The following CSRNP3 variants were observed in gnomAD, a reference collection of about 807,000 sequenced individuals.
CSRNP3 encodes the protein cysteine/serine-rich nuclear protein 3.
In CSRNP3, 12 loss-of-function variants were observed where a neutral mutation model predicts 48.0. The ratio of observed to expected loss-of-function variants is 0.25; its 90% confidence interval spans 0.16 to 0.41. The LOEUF is 0.41. CSRNP3 is among the 10% of genes least tolerant of loss of function. CSRNP3 has a pLI of 1.00. For missense variants in CSRNP3, 580 were observed against 724.4 expected (o/e 0.80, Z 2.29); for synonymous variants, 263 against 269.7 (o/e 0.98, Z 0.24).
Position 165,586,589 on chromosome 2 carries a change from G to A in CSRNP3, c.-23-8454G>A, listed in dbSNP as rs549280819. On this transcript the variant is annotated intron_variant, in intron 3 of 6. Coordinates refer to ENST00000651982, the MANE Select transcript of CSRNP3 (RefSeq NM_001172173.2). ...ACCCTAAGAGGTTCTTCTGCAAATC[G>A]TGTTACCTGCTCCTCAGACATGGGG... 6.6e-5 allele frequency among the ~76,000 whole-genome samples: 10 copies of A among 152,120 alleles called. No individual in the cohort carries two copies. The East Asian group carries it at 9.7e-4, about 15-fold the overall frequency.
At chr2:165,631,940 A>G (rs1336020711) in intron 4 of CSRNP3, among the ~76,000 whole-genome samples, 1 of 152,236 alleles carries the variant, frequency 6.6e-6, no homozygotes, top group Non-Finnish European at 1.5e-5. Context: ...ATATCTGGCA[A>G]TCAAATATGT....
chr2:165,629,470 C>CA (rs1686495836), intron 4 of CSRNP3, among the ~76,000 whole-genome samples: 1 of 152,176 alleles, frequency 6.6e-6, no homozygotes, highest in Non-Finnish European at 1.5e-5. Flanking sequence ...GTAAAGCTCC[C>CA]ATGGTTTTTC....
Position 165,688,040 on chromosome 2 carries a change from A to AC in CSRNP3, c.*8287_*8288insC, listed in dbSNP as rs1553486437. On this transcript the variant is annotated 3_prime_UTR_variant, in exon 7 of 7. Coordinates refer to ENST00000651982, the MANE Select transcript of CSRNP3 (RefSeq NM_001172173.2). ...ACACTAGGGGGAAATGACCTTTTTT[A>AC]TTTAAAAAAAAAAAAAAGGCTAATG... 4.5e-5 allele frequency: 4 copies of AC among 88,412 alleles called. No homozygotes were observed. The highest frequency in any genetic ancestry group is 8.2e-5 in the Non-Finnish European group (3 of 36,768). The allele number at this position is 88,412 out of a possible 1,614,324, so 5.5% of individuals were successfully genotyped here.
chr2:165,477,504 A>AAT (rs35294627), intron 1 of CSRNP3, among the ~76,000 whole-genome samples: 8,281 of 129,170 alleles, frequency 0.064, 476 homozygotes, highest in Middle Eastern at 0.14. Flanking sequence ...ATATAATACA[A>AAT]ATATATATAT....
At position 165,685,207 on chromosome 2, in the gene CSRNP3, C is replaced by A. The variant is rs188344884; in HGVS notation, c.*5454C>A. 1 of 152,094 alleles carries A rather than the reference C, an allele frequency of 6.6e-6. No individual in the cohort carries two copies. Among genetic ancestry groups the A allele is most frequent in the South Asian group, 2.1e-4 (1 of 4,830 alleles). 9.4% of individuals were successfully genotyped at this position (152,094 alleles called of 1,614,324 possible). The stretch of plus-strand genomic sequence containing the variant: ...TTACCTACCAAATCTAGATATTCAA[C>A]GTGAGTCCTTAAAACAGTCACTTCT... On this transcript the variant is annotated 3_prime_UTR_variant, in exon 7 of 7. Transcript: ENST00000651982.
At chr2:165,624,856 G>C (rs968423383) in intron 4 of CSRNP3, among the ~76,000 whole-genome samples, 5 of 152,078 alleles carry the variant, frequency 3.3e-5, no homozygotes, top group African/African-American at 1.2e-4. Flanking sequence ...CGGTGAGATG[G>C]GTTTTCTCAT....
intron 1 of CSRNP3, among the ~76,000 whole-genome samples, chr2:165,473,643 T>C (rs1683921786): frequency 6.6e-6 from 1 of 152,188 alleles, no homozygotes; most frequent in Non-Finnish European, 1.5e-5. Flanking sequence ...CAAAGCAGCA[T>C]TATTGCTTTT....
chr2:165,545,028 G>C (rs66596372), intron 3 of CSRNP3, among the ~76,000 whole-genome samples: 20,910 of 152,142 alleles, frequency 0.14, 2,020 homozygotes, highest in African/African-American at 0.27. Flanking sequence ...CACAAATAAA[G>C]AGTGTGCATC....
intron 5 of CSRNP3, among the ~76,000 whole-genome samples, chr2:165,665,913 GAGAGAGAGGAAGAAAGAA>G (rs1355532612): frequency 6.7e-6 from 1 of 149,290 alleles, no homozygotes; most frequent in East Asian, 2.0e-4. Flanking sequence ...AGGAAGCAAA[GAGAGAGAGGAAGAAAGAA>G]AGAGAGAGGA....
At chr2:165,608,280 G>T (rs189472872) in intron 4 of CSRNP3, among the ~76,000 whole-genome samples, 19 of 152,034 alleles carry the variant, frequency 1.2e-4, no homozygotes, top group African/African-American at 4.6e-4. Flanking sequence ...AGGAAATGAT[G>T]GTTGGAAAAG....
chr2:165,625,367 C>T (rs1350037546), intron 4 of CSRNP3, among the ~76,000 whole-genome samples: 1 of 151,872 alleles, frequency 6.6e-6, no homozygotes, highest in African/African-American at 2.4e-5. Flanking sequence ...TGGCTCATGC[C>T]TGTAATCCCA....
chr2:165,626,479 A>C (rs1358793688), intron 4 of CSRNP3, among the ~76,000 whole-genome samples: 2 of 152,246 alleles, frequency 1.3e-5, no homozygotes. Flanking sequence ...CTGCAGGTAC[A>C]TAAACACCTT....
At chr2:165,582,047 C>A (rs1685557364) in intron 3 of CSRNP3, among the ~76,000 whole-genome samples, 1 of 152,178 alleles carries the variant, frequency 6.6e-6, no homozygotes, top group Non-Finnish European at 1.5e-5. Context: ...GATTATAATA[C>A]AGTCTAATAA....
chr2:165,503,078 TTCTAAC>T (rs1157757540), intron 2 of CSRNP3, among the ~76,000 whole-genome samples: 2 of 151,990 alleles, frequency 1.3e-5, no homozygotes, highest in Non-Finnish European at 1.5e-5. Context: ...GTCATTTTTC[TTCTAAC>T]TCTATGTTTG....
In CSRNP3 at chr2:165,538,197, C is replaced by T. The variant is rs144684369; in HGVS notation, c.-24+20236C>T. 3.3e-5 allele frequency among the ~76,000 whole-genome samples: 5 copies of T among 152,018 alleles called. No individual in the cohort carries two copies. The East Asian group carries it at 9.6e-4, about 29-fold the overall frequency. ...ATATAAAAATACCCCTGAGAGAAAT[C>T]CAGTTAATTAAGCTTTTCTTATGTG... On this transcript the variant is annotated intron_variant, in intron 3 of 6. Coordinates refer to ENST00000651982, the MANE Select transcript of CSRNP3 (RefSeq NM_001172173.2).
intron 3 of CSRNP3, among the ~76,000 whole-genome samples, chr2:165,529,512 G>A (rs1684784786): frequency 6.6e-6 from 1 of 152,106 alleles, no homozygotes; most frequent in Non-Finnish European, 1.5e-5. Flanking sequence ...GGAATTGTGT[G>A]TTCATTAAAC....
Position 165,679,690 on chromosome 2 carries a change from A to C in CSRNP3, c.1695A>C (p.Ala565=), listed in dbSNP as rs757892024. 17 of 1,614,132 alleles carry C rather than the reference A, an allele frequency of 1.1e-5. No homozygotes were observed. The highest frequency in any genetic ancestry group is 1.4e-5 in the Non-Finnish European group (16 of 1,179,994). The part of the protein sequence containing the change: ...EHPAENSLSL[A]EKSILHEECI... Reference sequence around the variant, plus strand: ...CTGCTGAAAATTCTTTGAGCCTTGCAGAAAAGAGCATATTGCATGAAGAGT... The same window carrying C: ...CTGCTGAAAATTCTTTGAGCCTTGCCGAAAAGAGCATATTGCATGAAGAGT... Residue 565 remains alanine (A), a synonymous_variant, in exon 7 of 7, where the codon GCA becomes GCC. Coordinates refer to ENST00000651982, the MANE Select transcript of CSRNP3 (RefSeq NM_001172173.2).
In CSRNP3 at chr2:165,678,474, AT is replaced by A. The variant is rs562026768; in HGVS notation, c.706-226del. On this transcript the variant is annotated intron_variant, in intron 6 of 6. Transcript: ENST00000651982. ...GAACTGAAAATACACACTTATGCCC[AT>A]AACCCATTTTTATTTTGAATATAGG... 6.7e-4 allele frequency among the ~76,000 whole-genome samples: 102 copies of A among 152,332 alleles called. 1 individual carries two copies. The highest frequency in any genetic ancestry group is 2.4e-3 in the African/African-American group (100 of 41,578).
At chr2:165,487,469 G>T (rs1230729394) in intron 1 of CSRNP3, among the ~76,000 whole-genome samples, 5 of 141,730 alleles carry the variant, frequency 3.5e-5, no homozygotes, top group Admixed American at 7.0e-5. Context: ...TCCTCGAGAA[G>T]AGCAACTCCA....
Sources: allele counts gnomAD v4.1 joint callset (sites outside exome capture counted in the v4.1 genomes callset), GRCh38; gene constraint gnomAD v4.1.1; transcripts MANE v1.5; gene names NCBI Gene and HGNC (gene_info 2026-07-23, HGNC 2026-07-21).